Variants in ACMSD observed in about 807,000 individuals in gnomAD.
ACMSD encodes the protein 2-amino-3-carboxymuconate-6-semialdehyde decarboxylase.
ACMSD carries 37 observed loss-of-function variants against 45.9 expected under a neutral mutation model. The observed-to-expected ratio is 0.81, with a 90% CI of 0.62 to 1.06. The LOEUF is 1.06. Among genes scored for constraint, ACMSD ranks in the 50% least tolerant of loss-of-function variants. The pLI, the probability that ACMSD is intolerant of heterozygous loss-of-function variation, is 0.00. For missense variants in ACMSD, 434 were observed against 420.9 expected (o/e 1.03, Z -0.27); for synonymous variants, 138 against 148.8 (o/e 0.93, Z 0.53).
In ACMSD at chr2:134,847,673, T is replaced by C. The variant is rs900150612; in HGVS notation, c.102+2396T>C. Among the ~76,000 whole-genome samples the C allele has an allele frequency of 7.9e-5, 12 of 152,086 alleles. 1 individual carries two copies. The highest frequency in any genetic ancestry group is 2.9e-5 in the Non-Finnish European group (2 of 68,016). The stretch of plus-strand genomic sequence containing the variant: ...CCCTCCCTGTGTCCATGTGTTCTCA[T>C]TGTTCAACTCCCACTTATGAGTGAG... On this transcript the variant is annotated intron_variant, in intron 2 of 9. Transcript: ENST00000356140.
chr2:134,900,856 C>CTT (rs2104979530), intron 9 of ACMSD, among the ~76,000 whole-genome samples: 1 of 152,276 alleles, frequency 6.6e-6, no homozygotes, highest in South Asian at 2.1e-4. Flanking sequence ...TCCCAAATCC[C>CTT]TTGACTCCAG....
chr2:134,872,424 C>A (rs761659539), intron 7 of ACMSD, 45 bp from the exon 8 acceptor site: 34 of 1,610,964 alleles, frequency 2.1e-5, no homozygotes, highest in Non-Finnish European at 2.8e-5. Flanking sequence ...TAAAGGAATC[C>A]TTTACAATCA....
In ACMSD at chr2:134,840,167, C is replaced by CAA. The variant is rs1158518481; in HGVS notation, c.57+1453_57+1454dup. Among the ~76,000 whole-genome samples, 95 of 23,432 alleles carry CAA rather than the reference C, an allele frequency of 4.1e-3. 11 individuals are homozygous for CAA. The highest frequency in any genetic ancestry group is 6.6e-3 in the East Asian group (5 of 762). The allele number at this position is 23,432 out of a possible 152,430, so 15.4% of individuals were successfully genotyped here. On this transcript the variant is annotated intron_variant, in intron 1 of 9. Transcript: ENST00000356140. ...TAAAATAGCCATAAACTATACCTAG[C>CAA]AAAAAAAAAAAAAAAAAAAAAAAAA... is the stretch of plus-strand genomic sequence containing the variant.
At chr2:134,885,306 A>AAT (rs1162504899) in intron 8 of ACMSD, among the ~76,000 whole-genome samples, 11,444 of 75,270 alleles carry the variant, frequency 0.15, 821 homozygotes, top group Middle Eastern at 0.28. Context: ...TATATATTTA[A>AAT]ATATATATAT....
intron 8 of ACMSD, chr2:134,873,687 G>A (rs933811206): frequency 1.3e-5 from 2 of 152,160 alleles, no homozygotes; most frequent in African/African-American, 4.8e-5. Context: ...TAAATATTAA[G>A]CATTTTAGCT....
chr2:134,894,513 G>A (rs543854676), intron 8 of ACMSD, among the ~76,000 whole-genome samples: 7 of 152,086 alleles, frequency 4.6e-5, no homozygotes, highest in African/African-American at 1.7e-4. Flanking sequence ...AGATGTCTTC[G>A]CTGGTGAATT....
intron 2 of ACMSD, among the ~76,000 whole-genome samples, chr2:134,850,520 G>A (rs1014429280): frequency 1.4e-4 from 21 of 152,090 alleles, no homozygotes; most frequent in African/African-American, 4.3e-4. Flanking sequence ...CACCTGCTTC[G>A]TCCCCCCAGA....
chr2:134,862,767 C>A (rs1687906584), intron 4 of ACMSD, among the ~76,000 whole-genome samples: 1 of 152,220 alleles, frequency 6.6e-6, no homozygotes, highest in African/African-American at 2.4e-5. Context: ...TCTGATTAGA[C>A]AACTGAGGCT....
chr2:134,862,497 A>G (rs1193391261), intron 4 of ACMSD, among the ~76,000 whole-genome samples: 2 of 152,180 alleles, frequency 1.3e-5, no homozygotes, highest in Non-Finnish European at 2.9e-5. Context: ...TAAAAGTTTC[A>G]GGCATGATTT....
chr2:134,858,527 CA>C (rs1300920878), intron 2 of ACMSD, among the ~76,000 whole-genome samples: 2 of 151,580 alleles, frequency 1.3e-5, no homozygotes, highest in East Asian at 1.9e-4. Flanking sequence ...GTCATCACCT[CA>C]AAAAAAATAA....
intron 1 of ACMSD, among the ~76,000 whole-genome samples, chr2:134,844,755 G>A (rs959612626): frequency 6.6e-6 from 1 of 152,122 alleles, no homozygotes; most frequent in Admixed American, 6.5e-5. Flanking sequence ...ATATGAGCGG[G>A]ACACCAACAG....
intron 7 of ACMSD, among the ~76,000 whole-genome samples, chr2:134,871,338 T>C (rs889940007): frequency 7.2e-5 from 11 of 152,136 alleles, no homozygotes; most frequent in African/African-American, 1.9e-4. Context: ...TCATGTAACC[T>C]TAATTATCTC....
intron 2 of ACMSD, among the ~76,000 whole-genome samples, chr2:134,854,385 GC>G (rs1393771441): frequency 6.6e-6 from 1 of 152,206 alleles, no homozygotes; most frequent in African/African-American, 2.4e-5. Context: ...TGAGGGCTGT[GC>G]TAACATGATC....
At chr2:134,851,206 C>T (rs1477395637) in intron 2 of ACMSD, among the ~76,000 whole-genome samples, 1 of 152,140 alleles carries the variant, frequency 6.6e-6, no homozygotes, top group South Asian at 2.1e-4. Context: ...TTATCCAGTT[C>T]ATCGTTATGG....
chr2:134,877,404 T>C (rs1480273582), intron 8 of ACMSD: 1 of 152,178 alleles, frequency 6.6e-6, no homozygotes, highest in African/African-American at 2.4e-5. Context: ...AATTTAGAAA[T>C]AGCTTAACTG....
chr2:134,900,633 G>A (rs1359176628), intron 9 of ACMSD, among the ~76,000 whole-genome samples: 2 of 152,180 alleles, frequency 1.3e-5, no homozygotes, highest in Non-Finnish European at 2.9e-5. Flanking sequence ...GTGTAACTGT[G>A]AAGAAAGGAA....
At chr2:134,873,411 T>C (rs1362159891) in intron 8 of ACMSD, 1 of 152,256 alleles carries the variant, frequency 6.6e-6, no homozygotes, top group Non-Finnish European at 1.5e-5. Context: ...AAATATTTTG[T>C]ATTTCAATTC....
Position 134,872,546 on chromosome 2 carries a change from C to A in ACMSD, c.754C>A (p.Pro252Thr), listed in dbSNP as rs775576714. ...CCCAGATCTGTGTGCCCAGGACAAC[C>A]CCATGAACCCGAAGAAATACCTTGG... is the stretch of plus-strand genomic sequence containing the variant. ...MRPDLCAQDN[P>T]MNPKKYLGSF... Residue 252 changes from proline (P) to threonine (T), a missense_variant, in exon 8 of 10, where the codon CCC becomes ACC. By Grantham distance (38) the Pro-to-Thr change is conservative. Transcript: ENST00000356140. The A allele has an allele frequency of 1.2e-6, 2 of 1,614,130 alleles. No homozygotes were observed. The highest frequency in any genetic ancestry group is 2.2e-5 in the South Asian group (2 of 91,090).
Position 134,863,492 on chromosome 2 carries a change from C to A in ACMSD, c.347C>A (p.Thr116Lys). ...CCCAGGAGGTTCGTGGGTCTGGGGA[C>A]GTTGCCCATGCAGGCCCCTGAGCTG... is the stretch of plus-strand genomic sequence containing the variant. ...SYPRRFVGLG[T>K]LPMQAPELAV... is the part of the protein sequence containing the mutation. Residue 116 changes from threonine (T) to lysine (K), a missense_variant, in exon 5 of 10, where the codon ACG becomes AAG. Transcript: ENST00000356140. 1 of 1,614,226 alleles carries A rather than the reference C, an allele frequency of 6.2e-7. No homozygotes were observed. The highest frequency in any genetic ancestry group is 8.5e-7 in the Non-Finnish European group (1 of 1,180,052).
Sources: allele counts gnomAD v4.1 joint callset (sites outside exome capture counted in the v4.1 genomes callset), GRCh38; gene constraint gnomAD v4.1.1; transcripts MANE v1.5; gene names NCBI Gene and HGNC (gene_info 2026-07-23, HGNC 2026-07-21).